The following MEGF6 variants were observed in gnomAD, a reference collection of about 807,000 sequenced individuals.
The protein encoded by MEGF6 is multiple EGF like domains 6.
In MEGF6, 184 loss-of-function variants were observed where a neutral mutation model predicts 207.1. That is an observed-to-expected ratio of 0.89 (90% confidence interval 0.79 to 1.00). The LOEUF (loss-of-function observed/expected upper bound fraction) is 1.00. Among genes scored for constraint, MEGF6 ranks in the 50% least tolerant of loss-of-function variants. The pLI, the probability that MEGF6 is intolerant of heterozygous loss-of-function variation, is 0.00. For synonymous variants in MEGF6, 1,038 were observed against 910.0 expected, an observed-to-expected ratio of 1.14 and a Z score of -2.53; for missense variants, 2,282 against 2,202.9, an observed-to-expected ratio of 1.04 and a Z score of -0.72.
At position 3,497,376 on chromosome 1, in the gene MEGF6, G is replaced by A. The variant is rs941590727; in HGVS notation, c.3353-15C>T. ...CCGCAGGCAGGCTGCAGAAAGATGA[G>A]GGCTGCGGAGGCTTCTAGGAGGGGC... On this transcript the variant is annotated splice_polypyrimidine_tract_variant and intron_variant, in intron 26 of 36. Transcript: ENST00000356575. 6.6e-7 allele frequency: 1 copy of A among 1,522,314 alleles called. No individual in the cohort carries two copies. Among genetic ancestry groups the A allele is most frequent in the Non-Finnish European group, 8.8e-7 (1 of 1,139,010 alleles). 94.3% of individuals were successfully genotyped at this position (1,522,314 alleles called of 1,614,324 possible).
chr1:3,511,639 C>G lies in MEGF6; in HGVS notation c.1025G>C (p.Cys342Ser). The stretch of plus-strand genomic sequence containing the variant: ...ACTGGTGTGGCTGCAGCCATGGGAG[C>G]AGCCGCCGTTGTTGGCCTCACAGCT... ...VNSCEANNGG[C>S]SHGCSHTSAG... is the part of the protein sequence containing the mutation. The change falls in exon 9 of 37, where the codon TGC (cysteine) becomes TCC (serine). Residue 342 changes from cysteine (C) to serine (S), a missense_variant. Cys to Ser is a moderately radical substitution (Grantham distance 112). Coordinates refer to ENST00000356575, the MANE Select transcript of MEGF6 (RefSeq NM_001409.4). 1 of 1,611,750 alleles carries G rather than the reference C, an allele frequency of 6.2e-7. No individual in the cohort carries two copies. The highest frequency in any genetic ancestry group is 1.1e-5 in the South Asian group (1 of 91,062).
intron 4 of MEGF6, among the ~76,000 whole-genome samples, chr1:3,540,858 C>G (rs576798947): frequency 6.6e-6 from 1 of 152,220 alleles, no homozygotes; most frequent in Admixed American, 6.5e-5. Context: ...TCCACTCGAA[C>G]GCAGGAATTT....
At position 3,490,456 on chromosome 1, in the gene MEGF6, C is replaced by G. The variant is rs1640304792; in HGVS notation, c.*72G>C. 6.5e-7 allele frequency: 1 copy of G among 1,546,410 alleles called. No individual in the cohort carries two copies. Among genetic ancestry groups the G allele is most frequent in the Admixed American group, 1.8e-5 (1 of 56,692 alleles). On this transcript the variant is annotated 3_prime_UTR_variant, in exon 37 of 37. Coordinates refer to ENST00000356575, the MANE Select transcript of MEGF6 (RefSeq NM_001409.4). Reference sequence around the variant, plus strand: ...AGCTCTGGGCCCGTGAAGTGTCCTTCTCAGTGGTCACCAAAGGCCAGGGTC... The same window carrying G: ...AGCTCTGGGCCCGTGAAGTGTCCTTGTCAGTGGTCACCAAAGGCCAGGGTC...
intron 4 of MEGF6, among the ~76,000 whole-genome samples, chr1:3,539,165 G>A (rs113219834): frequency 2.0e-5 from 3 of 152,128 alleles, no homozygotes; most frequent in Non-Finnish European, 4.4e-5. Flanking sequence ...AAGAGATGGG[G>A]CGTGGTGGGG....
intron 4 of MEGF6, among the ~76,000 whole-genome samples, chr1:3,538,329 C>G (rs116618871): frequency 0.011 from 1,745 of 152,264 alleles, 39 homozygotes; most frequent in African/African-American, 0.04. Flanking sequence ...GCAGGGGGGG[C>G]CCCCACCCGG....
chr1:3,582,436 A>G (rs1200962586), intron 3 of MEGF6, among the ~76,000 whole-genome samples: 1 of 152,000 alleles, frequency 6.6e-6, no homozygotes, highest in Non-Finnish European at 1.5e-5. Context: ...TCTTGAACAC[A>G]CCCACGTCTC....
chr1:3,571,252 C>T (rs1045132336), intron 4 of MEGF6, among the ~76,000 whole-genome samples: 1 of 152,164 alleles, frequency 6.6e-6, no homozygotes, highest in Non-Finnish European at 1.5e-5. Context: ...GGGCAGGAGT[C>T]AATGAGGCAT....
In MEGF6 at chr1:3,515,464, G is replaced by A. The variant is rs936840809; in HGVS notation, c.668C>T (p.Thr223Ile). The change falls in exon 6 of 37, where the codon ACT (threonine) becomes ATT (isoleucine). Residue 223 changes from threonine (T) to isoleucine (I), a missense_variant. Coordinates refer to ENST00000356575, the MANE Select transcript of MEGF6 (RefSeq NM_001409.4). ...GGGCCGGCACTGGCAGCGATGCCGA[G>A]TGATTGTGAGCTGGACACAGTGGTG... ...CQHHCVQLTI[T>I]RHRCQCRPGF... The A allele has an allele frequency of 4.2e-5, 67 of 1,612,658 alleles. No individual in the cohort carries two copies. The highest frequency in any genetic ancestry group is 5.2e-5 in the Non-Finnish European group (61 of 1,179,946).
At chr1:3,517,465 G>C (rs374742359) in intron 5 of MEGF6, among the ~76,000 whole-genome samples, 8 of 152,364 alleles carry the variant, frequency 5.3e-5, no homozygotes, top group Admixed American at 3.3e-4. Flanking sequence ...CCCAAGCTGT[G>C]CGCAGCCGGG....
chr1:3,620,983 C>T, the MEGF6 span, among the ~76,000 whole-genome samples: 1 of 152,166 alleles, frequency 6.6e-6, no homozygotes, highest in East Asian at 1.9e-4. Context: ...CCATTATTTC[C>T]GCATATCAGA....
rs776523599 is a variant in MEGF6 at position 3,595,362 on chromosome 1, G to C, written c.352C>G (p.Pro118Ala). 41 of 1,612,356 alleles carry C rather than the reference G, an allele frequency of 2.5e-5. No individual in the cohort carries two copies. The highest frequency in any genetic ancestry group is 1.6e-4 in the Middle Eastern group (1 of 6,082). The change falls in exon 3 of 37, where the codon CCC becomes GCC. Residue 118 changes from proline (P) to alanine (A), a missense_variant. Pro to Ala is a conservative substitution (Grantham distance 27). Coordinates refer to ENST00000356575, the MANE Select transcript of MEGF6 (RefSeq NM_001409.4). Reference protein sequence around the residue: ...LRCCRGWMQQPDEEGCLSAEC... With the variant: ...LRCCRGWMQQADEEGCLSAEC... The stretch of plus-strand genomic sequence containing the variant: ...CCCGAGAGGCAGCCCTCCTCGTCGG[G>C]CTGCTGCATCCACCCTCGGCAGCAC...
chr1:3,502,050 C>CGCCTCCTCACATGGGCTCCT (rs1640913625), intron 17 of MEGF6, 129 bp from the exon 18 acceptor site: 57 of 38,102 alleles, frequency 1.5e-3, no homozygotes, highest in African/African-American at 0.01. Context: ...TGTGCCCCCC[C>CGCCTCCTCACATGGGCTCCT]GGCGCCTCCT....
chr1:3,492,895 G>A, intron 34 of MEGF6, 128 bp from the exon 35 acceptor site: 1 of 1,352,210 alleles, frequency 7.4e-7, no homozygotes, highest in Non-Finnish European at 1.0e-6. Context: ...GGTGTGTGCG[G>A]GAGCTAAGAC....
At chr1:3,494,855 G>A in intron 30 of MEGF6, 114 bp from the exon 31 acceptor site, 5 of 1,408,704 alleles carry the variant, frequency 3.5e-6, no homozygotes, top group Non-Finnish European at 4.7e-6. Context: ...AGGCCCATCA[G>A]TGCCAGTCTC....
intron 4 of MEGF6, among the ~76,000 whole-genome samples, chr1:3,547,826 C>G (rs546346559): frequency 6.6e-6 from 1 of 152,204 alleles, no homozygotes; most frequent in African/African-American, 2.4e-5. Context: ...AGCAGGACTT[C>G]CCCCGGGACT....
At position 3,502,281 on chromosome 1, in the gene MEGF6, G is replaced by A. The variant is rs571496592; in HGVS notation, c.2189-360C>T. ...TGGGAGAGGCTGAAGCAGATCCCTCGGCCATCCAGGACCCTGGAGAGCTCC... is the reference window on the plus strand; with the variant it reads ...TGGGAGAGGCTGAAGCAGATCCCTCAGCCATCCAGGACCCTGGAGAGCTCC... On this transcript the variant is annotated intron_variant, in intron 17 of 36. Coordinates refer to ENST00000356575, the MANE Select transcript of MEGF6 (RefSeq NM_001409.4). Among the ~76,000 whole-genome samples the A allele has an allele frequency of 3.3e-5, 5 of 152,142 alleles. No individual in the cohort carries two copies. In the South Asian group the frequency reaches 6.2e-4, roughly 19 times the overall value.
At position 3,509,051 on chromosome 1, in the gene MEGF6, C is replaced by T. The variant is rs763639580; in HGVS notation, c.1528+24G>A. 10 of 1,522,672 alleles carry T rather than the reference C, an allele frequency of 6.6e-6. No homozygotes were observed. In the African/African-American group the frequency reaches 1.3e-4, roughly 19 times the overall value. The allele number at this position is 1,522,672 out of a possible 1,614,324, so 94.3% of individuals were successfully genotyped here. A position where few individuals can be genotyped will look rare whatever the true frequency, so the allele number is the denominator to read the frequency against. ...GCTGCTGGCCCTGCGAGCAGGAGCC[C>T]CCGGGGGCTGGGCCCGCGCTCACCA... On this transcript the variant is annotated intron_variant, in intron 12 of 36. Transcript: ENST00000356575.
chr1:3,511,671 G>T lies in MEGF6; in HGVS notation c.993C>A (p.Ile331=). 2.5e-6 allele frequency: 4 copies of T among 1,608,886 alleles called. No homozygotes were observed. Among genetic ancestry groups the T allele is most frequent in the South Asian group, 2.2e-5 (2 of 90,916 alleles). Residue 331 remains isoleucine, a synonymous_variant, in exon 9 of 37, where the codon ATC becomes ATA. Coordinates refer to ENST00000356575, the MANE Select transcript of MEGF6 (RefSeq NM_001409.4). ...CGTTGTTGGCCTCACAGCTGTTCAC[G>T]ATTTCCATCTCAATCCCTGCCGTGA... The part of the protein sequence containing the change: ...GRQCYRIEME[I]VNSCEANNGG...
upstream of MEGF6, among the ~76,000 whole-genome samples, chr1:3,614,137 C>T (rs1570265968): frequency 6.6e-6 from 1 of 152,318 alleles, no homozygotes; most frequent in East Asian, 1.9e-4. Flanking sequence ...TGCGCTCGCT[C>T]GTCCATAGAC....
Sources: allele counts gnomAD v4.1 joint callset (sites outside exome capture counted in the v4.1 genomes callset), GRCh38; gene constraint gnomAD v4.1.1; transcripts MANE v1.5; gene names NCBI Gene and HGNC (gene_info 2026-07-23, HGNC 2026-07-21).